TAFA1: variants seen among roughly 807,000 people sequenced by gnomAD.
The protein encoded by TAFA1 is TAFA chemokine like family member 1, also known as chemokine-like protein TAFA-1.
Under a neutral mutation model 18.5 loss-of-function variants are expected in TAFA1, and 4 were observed. The observed-to-expected ratio is 0.22, with a 90% CI of 0.11 to 0.49. TAFA1 has a LOEUF of 0.49. TAFA1 is among the 20% of genes least tolerant of loss of function. The pLI is 0.98. For missense variants in TAFA1, 147 were observed against 169.0 expected, an observed-to-expected ratio of 0.87 and a Z score of 0.72; for synonymous variants, 56 against 55.2, an observed-to-expected ratio of 1.01 and a Z score of -0.06.
chr3:68,375,178 TTC>T (rs1381322301), intron 2 of TAFA1, among the ~76,000 whole-genome samples: 1 of 152,208 alleles, frequency 6.6e-6, no homozygotes, highest in East Asian at 1.9e-4. Context: ...AGCCTCATTT[TTC>T]TCTCTGCTTT....
intron 2 of TAFA1, among the ~76,000 whole-genome samples, chr3:68,114,150 T>C (rs769446394): frequency 2.0e-5 from 3 of 151,888 alleles, no homozygotes; most frequent in Non-Finnish European, 4.4e-5. Flanking sequence ...TGCCCTTAGA[T>C]CTCTTGGATC....
chr3:68,257,034 G>C (rs1421838330), intron 2 of TAFA1, among the ~76,000 whole-genome samples: 1 of 152,062 alleles, frequency 6.6e-6, no homozygotes, highest in East Asian at 1.9e-4. Context: ...CTCCTTTCCA[G>C]CTTCATCTCA....
At chr3:68,391,448 C>A (rs1203444269) in intron 2 of TAFA1, among the ~76,000 whole-genome samples, 1 of 152,136 alleles carries the variant, frequency 6.6e-6, no homozygotes, top group Non-Finnish European at 1.5e-5. Flanking sequence ...AGGATATTAT[C>A]CAGGAGAACT....
chr3:68,301,064 C>T (rs569949740), intron 2 of TAFA1, among the ~76,000 whole-genome samples: 1 of 152,018 alleles, frequency 6.6e-6, no homozygotes, highest in African/African-American at 2.4e-5. Context: ...ATATTTAGCA[C>T]CTTTAGTAAA....
At chr3:68,469,017 C>G (rs979456820) in intron 3 of TAFA1, among the ~76,000 whole-genome samples, 1 of 152,094 alleles carries the variant, frequency 6.6e-6, no homozygotes, top group Non-Finnish European at 1.5e-5. Flanking sequence ...ATGAGTAATA[C>G]ATCTCAATGG....
At chr3:68,128,897 A>G (rs1350142809) in intron 2 of TAFA1, among the ~76,000 whole-genome samples, 4 of 151,890 alleles carry the variant, frequency 2.6e-5, no homozygotes, top group African/African-American at 9.7e-5. Context: ...CCTAGATGAA[A>G]TGAAAATTTC....
At chr3:68,284,613 C>A (rs962792335) in intron 2 of TAFA1, among the ~76,000 whole-genome samples, 2 of 152,092 alleles carry the variant, frequency 1.3e-5, no homozygotes, top group African/African-American at 2.4e-5. Flanking sequence ...TATGTTCATA[C>A]AACAGAAAAC....
At chr3:68,285,331 G>A (rs914852006) in intron 2 of TAFA1, among the ~76,000 whole-genome samples, 1 of 152,070 alleles carries the variant, frequency 6.6e-6, no homozygotes, top group Non-Finnish European at 1.5e-5. Flanking sequence ...TGTAAGTGTT[G>A]TAAATATTGA....
intron 2 of TAFA1, among the ~76,000 whole-genome samples, chr3:68,189,474 A>G (rs2066311871): frequency 6.6e-6 from 1 of 151,820 alleles, no homozygotes; most frequent in Admixed American, 6.6e-5. Flanking sequence ...CCTTTTGTGC[A>G]CATATCAAAT....
chr3:68,502,701 C>T (rs1289134759), intron 3 of TAFA1, among the ~76,000 whole-genome samples: 1 of 152,094 alleles, frequency 6.6e-6, no homozygotes, highest in South Asian at 2.1e-4. Context: ...CACCTTCACC[C>T]TCCCAAGTAA....
chr3:68,251,545 T>C (rs992446800), intron 2 of TAFA1, among the ~76,000 whole-genome samples: 1 of 151,816 alleles, frequency 6.6e-6, no homozygotes, highest in Non-Finnish European at 1.5e-5. Flanking sequence ...AGACAATATG[T>C]GGAAGGAGAA....
intron 2 of TAFA1, among the ~76,000 whole-genome samples, chr3:68,365,892 C>A (rs968709325): frequency 6.6e-6 from 1 of 152,050 alleles, no homozygotes; most frequent in African/African-American, 2.4e-5. Context: ...TCGAGACCAA[C>A]CAGCCAACAT....
At chr3:68,300,049 G>A (rs1182858731) in intron 2 of TAFA1, among the ~76,000 whole-genome samples, 2 of 152,362 alleles carry the variant, frequency 1.3e-5, no homozygotes, top group African/African-American at 2.4e-5. Context: ...CCCCACGGGG[G>A]CACTGTCTAG....
intron 3 of TAFA1, among the ~76,000 whole-genome samples, chr3:68,438,603 A>G (rs1347738232): frequency 1.3e-5 from 2 of 151,844 alleles, no homozygotes; most frequent in East Asian, 3.9e-4. Context: ...TCCCTGGAGC[A>G]CCTTCAACGC....
chr3:68,349,224 T>G (rs1476380483), intron 2 of TAFA1, among the ~76,000 whole-genome samples: 3 of 151,898 alleles, frequency 2.0e-5, no homozygotes, highest in Admixed American at 1.3e-4. Context: ...TTGGAGCGTT[T>G]AAATCAGCAT....
intron 3 of TAFA1, among the ~76,000 whole-genome samples, chr3:68,526,528 G>A (rs1056728131): frequency 1.4e-4 from 22 of 152,026 alleles, no homozygotes; most frequent in African/African-American, 5.3e-4. Flanking sequence ...TCAACCAAAA[G>A]TGATATTTTA....
chr3:68,028,128 C>T (rs537786763), intron 2 of TAFA1, among the ~76,000 whole-genome samples: 5 of 152,102 alleles, frequency 3.3e-5, no homozygotes, highest in Admixed American at 6.5e-5. Flanking sequence ...GGTGAAACCC[C>T]GTCTCTACAA....
chr3:68,517,898 C>A (rs1418774002), intron 3 of TAFA1, among the ~76,000 whole-genome samples: 2 of 150,902 alleles, frequency 1.3e-5, no homozygotes, highest in African/African-American at 4.9e-5. Context: ...TAAAATATAC[C>A]CAGCCTTATC....
chr3:68,075,541 C>T (rs2064812434), intron 2 of TAFA1, among the ~76,000 whole-genome samples: 1 of 152,166 alleles, frequency 6.6e-6, no homozygotes, highest in African/African-American at 2.4e-5. Context: ...CACCTTATTA[C>T]ATACTGTGAA....
Sources: gnomAD v4.1 joint callset for allele counts (sites outside exome capture counted in the v4.1 genomes callset) on GRCh38, gnomAD v4.1.1 for gene constraint, MANE v1.5 for transcripts, NCBI Gene and HGNC (gene_info 2026-07-23, HGNC 2026-07-21) for gene names.